The following CUL4A variants were observed in gnomAD, a reference collection of about 807,000 sequenced individuals.
CUL4A encodes cullin-4A.
In CUL4A, 16 loss-of-function variants were observed where a neutral mutation model predicts 95.5. The ratio of observed to expected loss-of-function variants is 0.17; its 90% CI spans 0.11 to 0.25. The LOEUF (loss-of-function observed/expected upper bound fraction) is 0.25, where lower values mean the gene tolerates loss of function less well. Among genes scored for constraint, CUL4A ranks in the 10% least tolerant of loss-of-function variants. The probability of loss-of-function intolerance (pLI) is 1.00; values close to 1 mark genes in which losing one functional copy is unlikely to be tolerated. For synonymous variants in CUL4A, 380 were observed against 353.1 expected, an observed-to-expected ratio of 1.08 and a Z score of -0.85; for missense variants, 610 against 937.0, an observed-to-expected ratio of 0.65 and a Z score of 4.56.
At chr13:113,209,561 G>GGGCGGGCGGAGCGGAGCTC (rs2040260358), upstream of CUL4A, 28 of 908,388 alleles carry the variant, frequency 3.1e-5, no homozygotes, top group South Asian at 9.7e-5. Context: ...GCGCGGACCG[G>GGGCGGGCGGAGCGGAGCTC]GGCGGGCGGA....
chr13:113,229,000 C>T lies in CUL4A; in HGVS notation c.439-446C>T, dbSNP rs552444375. On this transcript the variant is annotated intron_variant, in intron 4 of 19. Transcript: ENST00000375440. ...AAAATTAACCGGGTGGGGTGGTGGG[C>T]GCCTGTAGTCCCAGCTACTCGGGAG... Among the ~76,000 whole-genome samples, 705 of 151,638 alleles carry T rather than the reference C, an allele frequency of 4.6e-3. 5 individuals carry two copies. The highest frequency in any genetic ancestry group is 0.016 in the African/African-American group (661 of 41,354).
In CUL4A at chr13:113,264,182, A is replaced by G. The variant is rs564414384; in HGVS notation, c.*600A>G. On this transcript the variant is annotated 3_prime_UTR_variant, in exon 20 of 20. Coordinates refer to ENST00000375440, the MANE Select transcript of CUL4A (RefSeq NM_001008895.4). Reference sequence around the variant, plus strand: ...TTTGATGGCTGATTTTTCGTAAGTCAGGTTTCTAAGTGAGCTCCCTGAGGT... The same window carrying G: ...TTTGATGGCTGATTTTTCGTAAGTCGGGTTTCTAAGTGAGCTCCCTGAGGT... The G allele has an allele frequency of 1.3e-5, 2 of 152,310 alleles. No individual in the cohort carries two copies. The highest frequency in any genetic ancestry group is 2.1e-4 in the South Asian group (1 of 4,826). 9.4% of individuals were successfully genotyped at this position (152,310 alleles called of 1,614,324 possible).
rs2042039554 is a variant in CUL4A, at chr13:113,253,253, T to G, written c.1752+58T>G. ...TTGTAAATATGTTAATATAATTTTT[T>G]TATTGTTACTGGACTTTAGTAGCAA... is the stretch of plus-strand genomic sequence containing the variant. On this transcript the variant is annotated intron_variant, in intron 16 of 19. Transcript: ENST00000375440. 1.3e-5 allele frequency: 12 copies of G among 889,438 alleles called. No homozygotes were observed. In the South Asian group the frequency reaches 2.6e-4, roughly 19 times the overall value. The allele number at this position is 889,438 out of a possible 1,614,324, so 55.1% of individuals were successfully genotyped here. A position where few individuals can be genotyped will look rare whatever the true frequency, so the allele number is the denominator to read the frequency against.
intron 1 of CUL4A, 55 bp from the exon 2 acceptor site, chr13:113,209,918 A>C: frequency 7.3e-7 from 1 of 1,377,988 alleles, no homozygotes; most frequent in South Asian, 1.5e-5. Flanking sequence ...GGGGGTGGCT[A>C]CGCGGGGCGC....
At position 113,229,527 on chromosome 13, in the gene CUL4A, T is replaced by C. The variant is rs1444634235; in HGVS notation, c.512+8T>C. ...CACGCTGCCCTCCATCTGGTGAGTG[T>C]CCTCACAGCGCAGAGCTGCGTCTTC... On this transcript the variant is annotated splice_region_variant and intron_variant, in intron 5 of 19. Coordinates refer to ENST00000375440, the MANE Select transcript of CUL4A (RefSeq NM_001008895.4). The C allele has an allele frequency of 6.2e-7, 1 of 1,611,390 alleles. No individual in the cohort carries two copies. Among genetic ancestry groups the C allele is most frequent in the Non-Finnish European group, 8.5e-7 (1 of 1,178,890 alleles).
intron 15 of CUL4A, among the ~76,000 whole-genome samples, chr13:113,246,668 C>T (rs2041866102): frequency 6.6e-6 from 1 of 152,216 alleles, no homozygotes; most frequent in Non-Finnish European, 1.5e-5. Context: ...GGAAGAAAGA[C>T]ACACAGCTAC....
chr13:113,260,126 C>T (rs1460556220), intron 18 of CUL4A, among the ~76,000 whole-genome samples: 1 of 142,194 alleles, frequency 7.0e-6, no homozygotes, highest in Non-Finnish European at 1.5e-5. Flanking sequence ...ATGGCGTGAA[C>T]CCGGGGGGCG....
chr13:113,220,487 C>T (rs552084443), intron 3 of CUL4A, among the ~76,000 whole-genome samples: 4 of 152,346 alleles, frequency 2.6e-5, no homozygotes, highest in South Asian at 2.1e-4. Flanking sequence ...CCCAGTGCCA[C>T]GGCTCAGCAA....
At chr13:113,252,959 T>G in intron 15 of CUL4A, 123 bp from the exon 16 acceptor site, 48 of 510,628 alleles carry the variant, frequency 9.4e-5, no homozygotes, top group Middle Eastern at 3.0e-4. Context: ...CCAGAAAGTG[T>G]GAGAATATAG....
chr13:113,209,707 T>G lies in CUL4A; in HGVS notation c.80T>G (p.Leu27Arg). ...RTNGLTKPAA[L>R]AAAPAKPGGA... is the part of the protein sequence containing the mutation. Reference sequence around the variant, plus strand: ...AACGGCCTCACCAAGCCCGCGGCCCTGGCCGCCGCGCCCGCCAAGCCGGGG... The same window carrying G: ...AACGGCCTCACCAAGCCCGCGGCCCGGGCCGCCGCGCCCGCCAAGCCGGGG... Residue 27 changes from leucine to arginine, a missense_variant, in exon 1 of 20, where the codon CTG becomes CGG. Physicochemically the swap from Leu to Arg is moderately radical, Grantham distance 102. Transcript: ENST00000375440. The G allele has an allele frequency of 8.7e-7, 1 of 1,154,050 alleles. No homozygotes were observed. The highest frequency in any genetic ancestry group is 1.6e-5 in the African/African-American group (1 of 60,754). The allele number at this position is 1,154,050 out of a possible 1,614,324, so 71.5% of individuals were successfully genotyped here.
At chr13:113,244,811 G>A in intron 12 of CUL4A, 138 bp from the exon 13 acceptor site, 1 of 644,544 alleles carries the variant, frequency 1.6e-6, no homozygotes, top group South Asian at 2.0e-5. Context: ...CTGCACTCCA[G>A]CCTGGGCAAC....
chr13:113,233,163 T>A lies in CUL4A; in HGVS notation c.513-14T>A. ...GAAACTAAAATGTAGTCCTGTTTCTTACTGTCTATACAGGGATATGGGATT... is the reference window on the plus strand; with the variant it reads ...GAAACTAAAATGTAGTCCTGTTTCTAACTGTCTATACAGGGATATGGGATT... On this transcript the variant is annotated splice_polypyrimidine_tract_variant and intron_variant, in intron 5 of 19. Coordinates refer to ENST00000375440, the MANE Select transcript of CUL4A (RefSeq NM_001008895.4). The A allele has an allele frequency of 6.2e-7, 1 of 1,607,926 alleles. No individual in the cohort carries two copies. Among genetic ancestry groups the A allele is most frequent in the Non-Finnish European group, 8.5e-7 (1 of 1,176,350 alleles).
At chr13:113,238,922 G>A (rs948995653) in intron 9 of CUL4A, among the ~76,000 whole-genome samples, 7 of 152,190 alleles carry the variant, frequency 4.6e-5, no homozygotes, top group African/African-American at 7.2e-5. Flanking sequence ...TCAGAAAACC[G>A]TTATAAATAT....
chr13:113,247,998 G>A (rs778563745), intron 15 of CUL4A, among the ~76,000 whole-genome samples: 9 of 152,138 alleles, frequency 5.9e-5, no homozygotes, highest in Non-Finnish European at 1.0e-4. Flanking sequence ...CAGATGCCCC[G>A]TGTCCCCATC....
At chr13:113,252,893 G>A (rs2042030323) in intron 15 of CUL4A, among the ~76,000 whole-genome samples, 189 bp from the exon 16 acceptor site, 1 of 152,214 alleles carries the variant, frequency 6.6e-6, no homozygotes. Context: ...TTATCTCGTT[G>A]ACACTGAGAA....
chr13:113,226,250 A>G (rs1293166982), intron 3 of CUL4A, among the ~76,000 whole-genome samples: 1 of 152,226 alleles, frequency 6.6e-6, no homozygotes, highest in Admixed American at 6.5e-5. Flanking sequence ...ACCACCTCAC[A>G]TTGGCTCTTG....
chr13:113,234,081 C>G (rs1049102336), intron 7 of CUL4A, 95 bp downstream of exon 7: 5 of 681,470 alleles, frequency 7.3e-6, no homozygotes, highest in African/African-American at 3.7e-5. Flanking sequence ...CACACACATG[C>G]AAATGTTTCA....
In CUL4A at chr13:113,245,210, G is replaced by A. The variant is rs540711646; in HGVS notation, c.1503G>A (p.Ser501=). The A allele has an allele frequency of 7.3e-5, 118 of 1,614,138 alleles. 2 individuals carry two copies. The South Asian group carries it at 1.1e-3, about 16-fold the overall frequency. Residue 501 remains serine (S), a synonymous_variant, in exon 14 of 20, where the codon TCG becomes TCA. Transcript: ENST00000375440. The part of the protein sequence containing the change: ...LEGMFKDMEL[S]KDIMVHFKQH... ...GCATGTTCAAGGACATGGAGCTTTC[G>A]AAGGACATCATGGTTCATTTCAAGC...
intron 15 of CUL4A, among the ~76,000 whole-genome samples, chr13:113,246,593 T>G (rs1304914213): frequency 6.6e-6 from 1 of 152,176 alleles, no homozygotes; most frequent in African/African-American, 2.4e-5. Flanking sequence ...GAAGACTTCC[T>G]GGAAAAGGCG....
Sources: allele counts gnomAD v4.1 joint callset (sites outside exome capture counted in the v4.1 genomes callset), GRCh38; gene constraint gnomAD v4.1.1; transcripts MANE v1.5; gene names NCBI Gene and HGNC (gene_info 2026-07-23, HGNC 2026-07-21).